Variants in HDAC9 observed in about 807,000 individuals in gnomAD.
The protein encoded by HDAC9 is histone deacetylase 9, also known as MEF-2 interacting transcription repressor (MITR) protein.
In HDAC9, 41 loss-of-function variants were observed where a neutral mutation model predicts 139.4. The ratio of observed to expected loss-of-function variants is 0.29; its 90% CI spans 0.23 to 0.38. HDAC9 has a LOEUF of 0.38. Among genes scored for constraint, HDAC9 ranks in the 10% least tolerant of loss-of-function variants. The probability of loss-of-function intolerance (pLI) is 1.00; values close to 1 mark genes in which losing one functional copy is unlikely to be tolerated. For synonymous variants in HDAC9, 517 were observed against 476.2 expected (o/e 1.09, Z -1.12); for missense variants, 1,147 against 1,297.0 (o/e 0.88, Z 1.78).
chr7:18,767,023 T>C (rs1789886590), intron 15 of HDAC9, 83 bp from the exon 16 acceptor site: 1 of 592,368 alleles, frequency 1.7e-6, no homozygotes, highest in Non-Finnish European at 2.9e-6. Context: ...TGTGACATAT[T>C]ATTATGTGTT....
intron 21 of HDAC9, among the ~76,000 whole-genome samples, chr7:18,857,335 T>TTGTGTGTGTGTGTGTGTGTGTGTGTG (rs375575248): frequency 5.2e-4 from 74 of 140,972 alleles, no homozygotes; most frequent in African/African-American, 1.9e-3. Flanking sequence ...TATGTTTTAG[T>TTGTGTGTGTGTGTGTGTGTGTGTGTG]TGTGTGTGTG....
rs114998024 is a variant in HDAC9, at chr7:18,524,635, A to T, written c.22+28311A>T. ...AAAATAAAGTTTATGTTTGGGGCAA[A>T]GGAAGATTAAGAGGATAGGAATATA... On this transcript the variant is annotated intron_variant, in intron 2 of 25. Transcript: ENST00000686413. 1.2e-3 allele frequency among the ~76,000 whole-genome samples: 185 copies of T among 152,260 alleles called. 1 individual carries two copies. The highest frequency in any genetic ancestry group is 4.3e-3 in the African/African-American group (179 of 41,558).
chr7:18,490,293 C>T (rs1198633087), intron 1 of HDAC9, among the ~76,000 whole-genome samples: 2 of 151,984 alleles, frequency 1.3e-5, no homozygotes, highest in African/African-American at 2.4e-5. Flanking sequence ...CAATAAATTG[C>T]ACTTCTAGCA....
At chr7:18,894,567 G>A (rs1184393298) in intron 22 of HDAC9, among the ~76,000 whole-genome samples, 1 of 152,126 alleles carries the variant, frequency 6.6e-6, no homozygotes, top group Non-Finnish European at 1.5e-5. Flanking sequence ...CTGATTAGAG[G>A]AGAAATTGGA....
chr7:18,495,360 AT>A, upstream of HDAC9, among the ~76,000 whole-genome samples: 1 of 152,148 alleles, frequency 6.6e-6, no homozygotes, highest in Non-Finnish European at 1.5e-5. Context: ...TACTACAAAA[AT>A]AAAATGAAAT....
At chr7:18,901,209 T>C (rs932944100) in intron 22 of HDAC9, among the ~76,000 whole-genome samples, 1 of 104,478 alleles carries the variant, frequency 9.6e-6, no homozygotes, top group African/African-American at 4.7e-5. Context: ...TATATATACA[T>C]ATATATATAT....
At chr7:18,332,520 C>T (rs971266886) in intron 1 of HDAC9, among the ~76,000 whole-genome samples, 2 of 151,182 alleles carry the variant, frequency 1.3e-5, no homozygotes, top group East Asian at 1.9e-4. Context: ...GAGTATATTC[C>T]GTAATTGGTC....
At chr7:18,719,889 A>G (rs76285292) in intron 12 of HDAC9, among the ~76,000 whole-genome samples, 28 of 152,266 alleles carry the variant, frequency 1.8e-4, no homozygotes, top group Non-Finnish European at 3.7e-4. Context: ...TGGAGGAAGA[A>G]TTTTTAAAAT....
Position 18,767,110 on chromosome 7 carries a change from T to A in HDAC9, c.2169T>A (p.Asp723Glu). The change falls in exon 16 of 26, where the codon GAT becomes GAA. Residue 723 changes from aspartate to glutamate, a missense_variant. By Grantham distance (45) the Asp-to-Glu change is conservative (BLOSUM62 2). Transcript: ENST00000686413. ...TTATGTCTTCTTACTGTATAGGTGA[T>A]GACTCTCAAAAGTTTTTTTCCTCAT... ...QKLDPRILLG[D>E]DSQKFFSSLP... The A allele has an allele frequency of 6.5e-7, 1 of 1,550,240 alleles. No individual in the cohort carries two copies. The highest frequency in any genetic ancestry group is 8.8e-7 in the Non-Finnish European group (1 of 1,136,456).
chr7:18,976,572 T>C (rs1221514471), intron 25 of HDAC9, among the ~76,000 whole-genome samples: 3 of 152,236 alleles, frequency 2.0e-5, no homozygotes, highest in Non-Finnish European at 4.4e-5. Flanking sequence ...TATCTTCTTA[T>C]GAATATAGAT....
At chr7:18,644,622 A>G (rs1786770481) in intron 8 of HDAC9, 49 bp from the exon 9 acceptor site, 1 of 1,529,908 alleles carries the variant, frequency 6.5e-7, no homozygotes, top group Non-Finnish European at 8.8e-7. Flanking sequence ...ATTTTACAGT[A>G]AAATTTGTGA....
intron 16 of HDAC9, among the ~76,000 whole-genome samples, chr7:18,770,652 T>A (rs1466402308): frequency 6.6e-6 from 1 of 152,188 alleles, no homozygotes; most frequent in African/African-American, 2.4e-5. Context: ...AACTTGGAAC[T>A]GAATCGACCC....
At chr7:18,708,261 T>A (rs573403265) in intron 12 of HDAC9, among the ~76,000 whole-genome samples, 1 of 151,774 alleles carries the variant, frequency 6.6e-6, no homozygotes, top group Admixed American at 6.6e-5. Flanking sequence ...TGGAGAATGA[T>A]GGAGATTTGG....
intron 2 of HDAC9, among the ~76,000 whole-genome samples, chr7:18,533,178 A>G (rs1010436310): frequency 2.0e-5 from 3 of 152,128 alleles, no homozygotes; most frequent in African/African-American, 7.2e-5. Context: ...GGTTTTGTAT[A>G]CTTGCATGTT....
At chr7:18,365,433 C>A (rs1339245742) in intron 1 of HDAC9, among the ~76,000 whole-genome samples, 1 of 152,000 alleles carries the variant, frequency 6.6e-6, no homozygotes, top group Non-Finnish European at 1.5e-5. Context: ...CATTCACCAT[C>A]CCTGGTATAA....
intron 21 of HDAC9, among the ~76,000 whole-genome samples, chr7:18,858,114 ACC>A (rs1414319096): frequency 6.6e-6 from 1 of 152,232 alleles, no homozygotes; most frequent in Middle Eastern, 3.4e-3. Flanking sequence ...GTGTCGAAAT[ACC>A]ACCATAACAT....
At chr7:18,175,721 T>A (rs957753069) in intron 2 of HDAC9, among the ~76,000 whole-genome samples, 1 of 152,130 alleles carries the variant, frequency 6.6e-6, no homozygotes, top group Non-Finnish European at 1.5e-5. Flanking sequence ...TTGTATTGAT[T>A]TATAGGAAAT....
chr7:18,173,023 G>A lies in HDAC9; in HGVS notation c.25+10674G>A, dbSNP rs192827266. 4.6e-5 allele frequency among the ~76,000 whole-genome samples: 7 copies of A among 152,222 alleles called. No individual in the cohort carries two copies. In the East Asian group the frequency reaches 5.8e-4, roughly 13 times the overall value. On this transcript the variant is annotated intron_variant, in intron 2 of 12. Transcript: ENST00000417496. ...GATATCCTTGTTAACTTTCTGTCTC[G>A]TTGATCTGTCTAATATTAACAGTGG...
intron 1 of HDAC9, among the ~76,000 whole-genome samples, chr7:18,356,365 T>TG (rs1223041228): frequency 5.7e-5 from 8 of 141,444 alleles, no homozygotes; most frequent in Non-Finnish European, 1.1e-4. Context: ...TAGGTTTTTT[T>TG]TTTTTTTTTT....
Sources: allele counts gnomAD v4.1 joint callset (sites outside exome capture counted in the v4.1 genomes callset), GRCh38; gene constraint gnomAD v4.1.1; transcripts MANE v1.5; gene names NCBI Gene and HGNC (gene_info 2026-07-23, HGNC 2026-07-21).